POLA1: variants seen among roughly 807,000 people sequenced by gnomAD.
The protein encoded by POLA1 is DNA polymerase alpha 1, catalytic subunit, also known as DNA polymerase alpha catalytic subunit.
POLA1 carries 15 observed loss-of-function variants against 124.0 expected under a neutral mutation model. The ratio of observed to expected loss-of-function variants is 0.12; its 90% CI spans 0.08 to 0.19. POLA1 has a LOEUF of 0.19. POLA1 is among the 10% of genes least tolerant of loss of function. The pLI, the probability that POLA1 is intolerant of heterozygous loss-of-function variation, is 1.00. For missense variants in POLA1, 886 were observed against 1,103.4 expected (o/e 0.80, Z 2.79); for synonymous variants, 408 against 389.4 (o/e 1.05, Z -0.56).
chrX:24,729,783 T>G (rs1006925712), intron 15 of POLA1, among the ~76,000 whole-genome samples: 3 of 111,271 alleles, frequency 2.7e-5, no homozygotes, highest in African/African-American at 9.8e-5. Flanking sequence ...TGATTTTTTT[T>G]TTTAGTATGT....
intron 32 of POLA1, among the ~76,000 whole-genome samples, chrX:24,828,812 T>G (rs2046215140): frequency 9.0e-6 from 1 of 111,550 alleles, no homozygotes; most frequent in South Asian, 3.8e-4. Context: ...TGGAGCCTGC[T>G]TGGGTGGATT....
intron 26 of POLA1, among the ~76,000 whole-genome samples, chrX:24,805,101 G>A (rs1032490675): frequency 1.0e-4 from 11 of 110,522 alleles, no homozygotes; most frequent in African/African-American, 3.0e-4. Flanking sequence ...ATTCCTTTTC[G>A]TATTATTTTA....
At position 24,914,483 on chromosome X, in the gene POLA1, T is replaced by C. The variant is rs766195552; in HGVS notation, c.4165-15970T>C. Among the ~76,000 whole-genome samples, 6 of 108,883 alleles carry C rather than the reference T, an allele frequency of 5.5e-5. No individual in the cohort carries two copies. In the East Asian group the frequency reaches 1.4e-3, roughly 26 times the overall value. 94.6% of individuals were successfully genotyped at this position (108,883 alleles called of 115,157 possible). ...AGGAACAAAACATTCATATTCTCTTTGCTAAAGCACATTTGTGAAAGTAAA... is the reference window on the plus strand; with the variant it reads ...AGGAACAAAACATTCATATTCTCTTCGCTAAAGCACATTTGTGAAAGTAAA... On this transcript the variant is annotated intron_variant, in intron 35 of 36. Coordinates refer to ENST00000379068, the MANE Select transcript of POLA1 (RefSeq NM_001330360.2).
intron 36 of POLA1, among the ~76,000 whole-genome samples, chrX:24,992,151 GA>G (rs1390874352): frequency 4.7e-4 from 53 of 111,797 alleles, no homozygotes; most frequent in Middle Eastern, 9.2e-3. Flanking sequence ...CGATATTCAG[GA>G]AAAAGGCAGG....
intron 15 of POLA1, among the ~76,000 whole-genome samples, chrX:24,729,204 G>A (rs750483081): frequency 1.3e-4 from 14 of 111,777 alleles, no homozygotes; most frequent in Non-Finnish European, 2.3e-4. Context: ...ATTTTGGGCC[G>A]GATAATGCTT....
chrX:24,734,066 C>T (rs771797671), intron 17 of POLA1: 1 of 219,988 alleles, frequency 4.5e-6, no homozygotes, highest in Non-Finnish European at 8.4e-6. Context: ...GCTCAAACCC[C>T]CCTCCAATAG....
chrX:24,827,946 A>G (rs966342057), intron 32 of POLA1, among the ~76,000 whole-genome samples: 2 of 111,513 alleles, frequency 1.8e-5, no homozygotes, highest in South Asian at 3.8e-4. Flanking sequence ...CAAGTCACAT[A>G]TTTTCTGTCC....
rs755405833 is a variant in POLA1 at position 24,916,574 on chromosome X, C to T, written c.4165-13879C>T. 1.3e-4 allele frequency among the ~76,000 whole-genome samples: 14 copies of T among 111,321 alleles called. No homozygotes were observed. In the East Asian group the frequency reaches 1.4e-3, roughly 11 times the overall value. ...GATTACAGGCGTGAGCCACCGCGCC[C>T]GGCCACTGAGAACAATTTTTAAAAG... On this transcript the variant is annotated intron_variant, in intron 35 of 36. Coordinates refer to ENST00000379068, the MANE Select transcript of POLA1 (RefSeq NM_001330360.2).
At chrX:24,745,571 T>C in intron 24 of POLA1, 29 bp downstream of exon 24, 1 of 1,066,260 alleles carries the variant, frequency 9.4e-7, no homozygotes, top group South Asian at 2.0e-5. Context: ...ACTCTTGAAA[T>C]TGAGTTTAAA....
intron 34 of POLA1, among the ~76,000 whole-genome samples, chrX:24,863,417 A>G (rs937332437): frequency 2.2e-4 from 25 of 111,998 alleles, no homozygotes; most frequent in South Asian, 1.5e-3. Flanking sequence ...TATAAAATGA[A>G]TGTTGGAAAA....
chrX:24,792,618 G>C (rs1344497495), intron 26 of POLA1, among the ~76,000 whole-genome samples: 2 of 111,843 alleles, frequency 1.8e-5, no homozygotes, highest in African/African-American at 6.5e-5. Context: ...TAGCTTTCCT[G>C]CTTATGTTCT....
chrX:24,877,486 A>T (rs1197932061), intron 34 of POLA1, among the ~76,000 whole-genome samples: 1 of 111,810 alleles, frequency 8.9e-6, no homozygotes, highest in African/African-American at 3.3e-5. Context: ...CTGATCAGCT[A>T]CTTAAAAAGG....
chrX:24,984,930 G>C (rs1258202645), intron 36 of POLA1, among the ~76,000 whole-genome samples: 6 of 111,230 alleles, frequency 5.4e-5, no homozygotes, highest in African/African-American at 2.0e-4. Context: ...AAAGTGCTGG[G>C]ATTACAGGCC....
chrX:24,756,586 T>C (rs868024280), intron 26 of POLA1, among the ~76,000 whole-genome samples: 2 of 110,498 alleles, frequency 1.8e-5, no homozygotes, highest in African/African-American at 6.6e-5. Context: ...ATTGAAATTT[T>C]ACTGATTCTT....
At chrX:24,740,050 TC>T (rs1931538067) in intron 20 of POLA1, among the ~76,000 whole-genome samples, 1 of 111,314 alleles carries the variant, frequency 9.0e-6, no homozygotes, top group African/African-American at 3.3e-5. Flanking sequence ...CACCTGTGTA[TC>T]TTCAGGTTAG....
In POLA1 at chrX:24,717,322, G is replaced by A; in HGVS notation, c.739G>A (p.Glu247Lys). The change falls in exon 9 of 37, where the codon GAG becomes AAG. Residue 247 changes from glutamate to lysine, a missense_variant. Glu to Lys is a moderately conservative substitution (Grantham distance 56, BLOSUM62 1). Around this residue, in one of 7 missense-constraint regions of POLA1, gnomAD observed 337 missense variants for 402.8 expected, o/e 0.84. Transcript: ENST00000379068. ...DDVQVESTEE[E>K]QESGAMEFED... ...TGTACAGGTCGAGAGTACAGAAGAA[G>A]AGCAGGAGTCAGGGGCAATGGAGTT... is the stretch of plus-strand genomic sequence containing the variant. 1 of 1,210,401 alleles carries A rather than the reference G, an allele frequency of 8.3e-7. No homozygotes were observed. Among genetic ancestry groups the A allele is most frequent in the Non-Finnish European group, 1.1e-6 (1 of 894,424 alleles).
intron 32 of POLA1, among the ~76,000 whole-genome samples, chrX:24,839,635 C>T (rs1384925211): frequency 8.9e-6 from 1 of 111,876 alleles, no homozygotes; most frequent in African/African-American, 3.3e-5. Flanking sequence ...TTTTCGTAGC[C>T]TGGCCAATTT....
intron 32 of POLA1, among the ~76,000 whole-genome samples, chrX:24,829,411 TTC>T (rs1183462233): frequency 9.0e-6 from 1 of 111,721 alleles, no homozygotes; most frequent in African/African-American, 3.3e-5. Flanking sequence ...GCTTGTCCTC[TTC>T]TCTCATCCTA....
At chrX:24,985,088 C>T (rs2048467257) in intron 36 of POLA1, among the ~76,000 whole-genome samples, 1 of 111,983 alleles carries the variant, frequency 8.9e-6, no homozygotes, top group Non-Finnish European at 1.9e-5. Flanking sequence ...CTCTTTGGTC[C>T]GGTTTCCTCA....
Sources: allele counts gnomAD v4.1 joint callset (sites outside exome capture counted in the v4.1 genomes callset), GRCh38; gene constraint gnomAD v4.1.1; regional missense constraint gnomAD v4.1.1; transcripts MANE v1.5; gene names NCBI Gene and HGNC (gene_info 2026-07-23, HGNC 2026-07-21).